The following TANK variants were observed in gnomAD, a reference collection of about 807,000 sequenced individuals.
TANK encodes TRAF family member associated NFKB activator.
Under a neutral mutation model 43.6 loss-of-function variants are expected in TANK, and 15 were observed. The observed-to-expected ratio is 0.34, with a 90% CI of 0.23 to 0.53. The LOEUF (loss-of-function observed/expected upper bound fraction) is 0.53, where lower values mean the gene tolerates loss of function less well. Among genes scored for constraint, TANK ranks in the 20% least tolerant of loss-of-function variants. The pLI is 0.94. For synonymous variants in TANK, 162 were observed against 178.2 expected (o/e 0.91, Z 0.73); for missense variants, 417 against 498.6 (o/e 0.84, Z 1.56).
At chr2:161,165,384 G>A (rs1266728651) in intron 1 of TANK, among the ~76,000 whole-genome samples, 1 of 152,086 alleles carries the variant, frequency 6.6e-6, no homozygotes, top group Admixed American at 6.6e-5. Flanking sequence ...TTTGGAATCA[G>A]CAAATCAACT....
intron 2 of TANK, among the ~76,000 whole-genome samples, chr2:161,185,116 T>C (rs2105307565): frequency 6.6e-6 from 1 of 152,194 alleles, no homozygotes. Context: ...TTTTACAGAA[T>C]AGGCATAGAG....
intron 7 of TANK, chr2:161,232,937 T>TA: frequency 1.5e-6 from 2 of 1,371,194 alleles, no homozygotes; most frequent in Non-Finnish European, 2.0e-6. Context: ...GCAAAGAAAT[T>TA]AGTTTGTTTT....
Position 161,233,690 on chromosome 2 carries a change from T to C in TANK, c.1102-1652T>C, listed in dbSNP as rs77169833. ...AGTTCTTAATAGAGAAAAATGAATA[T>C]GGATTTAATAGGTAAATTGGGAGTA... is the stretch of plus-strand genomic sequence containing the variant. On this transcript the variant is annotated intron_variant, in intron 7 of 7. Coordinates refer to ENST00000392749, the MANE Select transcript of TANK (RefSeq NM_001199135.3). Among the ~76,000 whole-genome samples the C allele has an allele frequency of 3.9e-5, 6 of 152,166 alleles. No homozygotes were observed. The East Asian group carries it at 9.6e-4, about 24-fold the overall frequency.
intron 1 of TANK, among the ~76,000 whole-genome samples, chr2:161,144,180 G>A (rs1461851987): frequency 6.6e-6 from 1 of 151,978 alleles, no homozygotes; most frequent in Non-Finnish European, 1.5e-5. Context: ...TTTTTATTGT[G>A]TCTATTTGAG....
chr2:161,145,366 C>T (rs532804316), intron 1 of TANK, among the ~76,000 whole-genome samples: 3 of 151,760 alleles, frequency 2.0e-5, no homozygotes, highest in South Asian at 2.1e-4. Flanking sequence ...ATCCTGTCAT[C>T]GTGATGCTAT....
In TANK at chr2:161,204,788, C is replaced by G; in HGVS notation, c.322C>G (p.Pro108Ala). The part of the protein sequence containing the change: ...VISGIAREKL[P>A]KVRRQEVSSP... The stretch of plus-strand genomic sequence containing the variant: ...TTCAGGAATAGCAAGAGAAAAACTA[C>G]CAAAGGTAGACATTGCTTCTGCAGA... The change falls in exon 4 of 8, where the codon CCA becomes GCA. Residue 108 changes from proline to alanine, a missense_variant. Transcript: ENST00000392749. 1 of 1,605,202 alleles carries G rather than the reference C, an allele frequency of 6.2e-7. No individual in the cohort carries two copies. Among genetic ancestry groups the G allele is most frequent in the African/African-American group, 1.3e-5 (1 of 74,182 alleles).
chr2:161,204,365 T>TGG (rs756293258), intron 3 of TANK, among the ~76,000 whole-genome samples: 2 of 152,206 alleles, frequency 1.3e-5, no homozygotes, highest in Non-Finnish European at 2.9e-5. Context: ...AACGCATACC[T>TGG]GAAAATGTGA....
chr2:161,179,367 C>A, intron 1 of TANK: 1 of 384,110 alleles, frequency 2.6e-6, no homozygotes, highest in Non-Finnish European at 4.6e-6. Flanking sequence ...GATTAGTATT[C>A]TCAAAGTAGC....
chr2:161,217,427 A>G (rs1456251417), intron 4 of TANK, among the ~76,000 whole-genome samples: 1 of 152,026 alleles, frequency 6.6e-6, no homozygotes, highest in African/African-American at 2.4e-5. Flanking sequence ...TTGTTACTGG[A>G]ATTTCAGCCA....
intron 6 of TANK, among the ~76,000 whole-genome samples, chr2:161,230,184 A>G (rs756615308): frequency 6.6e-6 from 1 of 152,272 alleles, no homozygotes; most frequent in East Asian, 1.9e-4. Context: ...AAATTCATCT[A>G]TCTATGAACC....
intron 1 of TANK, among the ~76,000 whole-genome samples, chr2:161,172,324 GTTTTC>G (rs1478103764): frequency 1.9e-5 from 2 of 105,172 alleles, no homozygotes; most frequent in East Asian, 6.0e-4. Context: ...TTTCTCTATT[GTTTTC>G]TTTTCAAAAA....
At chr2:161,187,647 C>T (rs1011940197) in intron 2 of TANK, among the ~76,000 whole-genome samples, 1 of 152,034 alleles carries the variant, frequency 6.6e-6, no homozygotes, top group African/African-American at 2.4e-5. Flanking sequence ...ACTTTAAACA[C>T]TTTAAATAAT....
intron 4 of TANK, among the ~76,000 whole-genome samples, chr2:161,205,817 T>G (rs1182026275): frequency 1.3e-5 from 2 of 152,310 alleles, no homozygotes; most frequent in Non-Finnish European, 2.9e-5. Context: ...TTTGGATTTT[T>G]TTTGGAAATG....
upstream of TANK, among the ~76,000 whole-genome samples, chr2:161,155,867 A>C (rs1015185440): frequency 6.6e-6 from 1 of 152,194 alleles, no homozygotes; most frequent in African/African-American, 2.4e-5. Context: ...CAGTATAGAC[A>C]CCAAGTTCTT....
chr2:161,207,815 T>C, intron 4 of TANK: 1 of 985,434 alleles, frequency 1.0e-6, no homozygotes, highest in South Asian at 4.7e-5. Context: ...TGTTGCAGTT[T>C]TTTAAAAGTA....
intron 2 of TANK, among the ~76,000 whole-genome samples, chr2:161,188,940 A>T (rs1179789021): frequency 6.6e-6 from 1 of 152,196 alleles, no homozygotes. Flanking sequence ...CTTCAGTCAC[A>T]TGATACCTTC....
intron 4 of TANK, among the ~76,000 whole-genome samples, chr2:161,213,972 T>C (rs1470038174): frequency 1.3e-5 from 2 of 152,298 alleles, no homozygotes; most frequent in Middle Eastern, 3.4e-3. Context: ...AATCAATCAT[T>C]TGGAAAATAT....
chr2:161,232,151 AT>A (rs1359653077), intron 7 of TANK, among the ~76,000 whole-genome samples: 9 of 152,154 alleles, frequency 5.9e-5, no homozygotes, highest in Non-Finnish European at 1.3e-4. Flanking sequence ...GATATCAAAT[AT>A]TTTATTTAAT....
At chr2:161,212,900 C>T (rs1375503618) in intron 4 of TANK, 3 of 546,844 alleles carry the variant, frequency 5.5e-6, no homozygotes, top group Non-Finnish European at 7.0e-6. Context: ...TTATTTGGCT[C>T]ATGATTTTGA....
Sources: gnomAD v4.1 joint callset for allele counts (sites outside exome capture counted in the v4.1 genomes callset) on GRCh38, gnomAD v4.1.1 for gene constraint, MANE v1.5 for transcripts, NCBI Gene and HGNC (gene_info 2026-07-23, HGNC 2026-07-21) for gene names.